The following IQSEC1 variants were observed in gnomAD, a reference collection of about 807,000 sequenced individuals.
IQSEC1 encodes IQ motif and Sec7 domain ArfGEF 1.
Under a neutral mutation model 91.0 loss-of-function variants are expected in IQSEC1, and 31 were observed. The ratio of observed to expected loss-of-function variants is 0.34; its 90% CI spans 0.26 to 0.46. The LOEUF (loss-of-function observed/expected upper bound fraction) is 0.46. IQSEC1 is among the 20% of genes least tolerant of loss of function. The pLI is 1.00. For missense variants in IQSEC1, 1,388 were observed against 1,575.6 expected (o/e 0.88, Z 2.02); for synonymous variants, 699 against 662.6 (o/e 1.05, Z -0.84).
chr3:13,273,363 T>C (rs1695620081), intron 1 of IQSEC1, among the ~76,000 whole-genome samples: 1 of 152,142 alleles, frequency 6.6e-6, no homozygotes, highest in Admixed American at 6.5e-5. Flanking sequence ...GGCCTGGGTG[T>C]GGGAAGCCAG....
intron 1 of IQSEC1, among the ~76,000 whole-genome samples, chr3:13,066,093 T>A (rs1024395530): frequency 6.6e-6 from 1 of 151,198 alleles, no homozygotes; most frequent in Admixed American, 6.6e-5. Context: ...AAGATGGGAG[T>A]CTGCGCTTAC....
intron 1 of IQSEC1, among the ~76,000 whole-genome samples, chr3:13,281,827 G>A (rs1695794877): frequency 6.6e-6 from 1 of 152,230 alleles, no homozygotes; most frequent in Non-Finnish European, 1.5e-5. Flanking sequence ...AGTGGGCCCC[G>A]GGTGATCCCG....
At chr3:13,094,477 C>T (rs777457685) in intron 2 of IQSEC1, among the ~76,000 whole-genome samples, 2 of 152,204 alleles carry the variant, frequency 1.3e-5, no homozygotes, top group Non-Finnish European at 2.9e-5. Flanking sequence ...TGGCGAGATG[C>T]AGAGTGATGT....
chr3:13,017,956 G>A (rs1259186291), intron 1 of IQSEC1, among the ~76,000 whole-genome samples: 1 of 152,180 alleles, frequency 6.6e-6, no homozygotes, highest in Non-Finnish European at 1.5e-5. Context: ...GTGTCCAGAA[G>A]GCGTGGGTGG....
At chr3:13,144,644 G>A (rs543275743) in intron 2 of IQSEC1, among the ~76,000 whole-genome samples, 9 of 152,294 alleles carry the variant, frequency 5.9e-5, no homozygotes, top group East Asian at 1.9e-4. Context: ...AGCCCACCGC[G>A]TCCCTTCCAT....
chr3:12,943,729 G>A (rs943482734), intron 1 of IQSEC1, among the ~76,000 whole-genome samples: 3 of 152,322 alleles, frequency 2.0e-5, no homozygotes, highest in Middle Eastern at 3.4e-3. Context: ...AGTGCCCAGT[G>A]CAGAATGTGA....
intron 12 of IQSEC1, among the ~76,000 whole-genome samples, chr3:12,907,414 T>G (rs1388264518): frequency 2.6e-5 from 4 of 152,152 alleles, no homozygotes; most frequent in Non-Finnish European, 4.4e-5. Flanking sequence ...ACCAGGCTCC[T>G]GGGGCAGACC....
chr3:12,932,651 A>C (rs1697782796), intron 3 of IQSEC1, among the ~76,000 whole-genome samples: 1 of 152,198 alleles, frequency 6.6e-6, no homozygotes, highest in South Asian at 2.1e-4. Context: ...CTTGCTGACC[A>C]CAACAGCTGC....
At chr3:12,973,616 T>C (rs1201351987) in intron 1 of IQSEC1, among the ~76,000 whole-genome samples, 2 of 152,164 alleles carry the variant, frequency 1.3e-5, no homozygotes, top group Admixed American at 1.3e-4. Flanking sequence ...GACCCAACCA[T>C]GACAGTAAGA....
intron 2 of IQSEC1, among the ~76,000 whole-genome samples, chr3:13,143,936 T>C (rs370070958): frequency 1.3e-5 from 2 of 152,196 alleles, no homozygotes; most frequent in South Asian, 2.1e-4. Context: ...AATTGGGTTT[T>C]CTGTCCCCGG....
In IQSEC1 at chr3:13,008,317, G is replaced by A. The variant is rs1702724238; in HGVS notation, c.23+64675C>T. Reference sequence around the variant, plus strand: ...TGACCCTCCCTCCAGCAAATGTTTAGAGAATGAGGTAAGCATCCTCCACCA... The same window carrying A: ...TGACCCTCCCTCCAGCAAATGTTTAAAGAATGAGGTAAGCATCCTCCACCA... On this transcript the variant is annotated intron_variant, in intron 1 of 13. Coordinates refer to ENST00000613206, the MANE Select transcript of IQSEC1 (RefSeq NM_001134382.3). The surrounding 1 kb of genome is among the most constrained non-coding windows in gnomAD (Gnocchi z 4.1). Among the ~76,000 whole-genome samples, 1 of 151,984 alleles carries A rather than the reference G, an allele frequency of 6.6e-6. No homozygotes were observed. The highest frequency in any genetic ancestry group is 6.5e-5 in the Admixed American group (1 of 15,278).
intron 1 of IQSEC1, among the ~76,000 whole-genome samples, chr3:12,966,554 C>T (rs1700583947): frequency 6.6e-6 from 1 of 152,042 alleles, no homozygotes; most frequent in Admixed American, 6.5e-5. Context: ...TCCCTTTCTC[C>T]CTTTCTCTCC....
In IQSEC1 at chr3:12,899,040, G is replaced by C. The variant is rs145697361; in HGVS notation, c.*1943C>G. ...CCAATGGGAGGACACAGGTGGGCGGGTTAAAGTCACATTTTTAAAAAGGCT... is the reference window on the plus strand; with the variant it reads ...CCAATGGGAGGACACAGGTGGGCGGCTTAAAGTCACATTTTTAAAAAGGCT... On this transcript the variant is annotated 3_prime_UTR_variant, in exon 14 of 14. Transcript: ENST00000613206. 24 of 296,058 alleles carry C rather than the reference G, an allele frequency of 8.1e-5. No homozygotes were observed. The highest frequency in any genetic ancestry group is 5.2e-4 in the African/African-American group (24 of 46,346). 18.3% of individuals were successfully genotyped at this position (296,058 alleles called of 1,614,324 possible). A position where few individuals can be genotyped will look rare whatever the true frequency, so the allele number is the denominator to read the frequency against.
At chr3:13,064,818 G>A (rs1705181366) in intron 1 of IQSEC1, among the ~76,000 whole-genome samples, 1 of 152,032 alleles carries the variant, frequency 6.6e-6, no homozygotes, top group Admixed American at 6.5e-5. Flanking sequence ...CTTGGTGTGG[G>A]GGCCTGTCCT....
At chr3:12,925,520 A>G (rs1005953985) in intron 3 of IQSEC1, among the ~76,000 whole-genome samples, 1 of 152,196 alleles carries the variant, frequency 6.6e-6, no homozygotes, top group Non-Finnish European at 1.5e-5. Context: ...AAGCACCGTA[A>G]GAGGTTTCTA....
chr3:13,222,223 G>T (rs1185110522), intron 1 of IQSEC1, among the ~76,000 whole-genome samples: 5 of 151,598 alleles, frequency 3.3e-5, no homozygotes, highest in Admixed American at 6.6e-5. Flanking sequence ...CACAGAAGTG[G>T]AATCATGCAG....
At chr3:13,158,456 T>G (rs357168) in intron 2 of IQSEC1, among the ~76,000 whole-genome samples, 128,270 of 152,254 alleles carry the variant, frequency 0.84, 54,184 homozygotes, top group East Asian at 0.89. Context: ...CTGGATTTGT[T>G]TGGACTAATT....
intron 1 of IQSEC1, among the ~76,000 whole-genome samples, chr3:13,228,784 T>A (rs916764102): frequency 6.6e-6 from 1 of 152,142 alleles, no homozygotes; most frequent in Non-Finnish European, 1.5e-5. Context: ...CCTTTGCACA[T>A]GCTGTTCCTG....
rs375516705 is a variant in IQSEC1 at position 13,085,557 on chromosome 3, G to A, written c.303-38035C>T. ...CCTGCCAGCAGAGCCTGCAGGAGACGGGGTGTCCAGCTGCAGCCAGGTGGG... is the reference window on the plus strand; with the variant it reads ...CCTGCCAGCAGAGCCTGCAGGAGACAGGGTGTCCAGCTGCAGCCAGGTGGG... On this transcript the variant is annotated intron_variant, in intron 2 of 15. Transcript: ENST00000648114. 7.9e-5 allele frequency among the ~76,000 whole-genome samples: 12 copies of A among 152,304 alleles called. No homozygotes were observed. In the South Asian group the frequency reaches 1.2e-3, roughly 16 times the overall value.
Sources: gnomAD v4.1 joint callset for allele counts (sites outside exome capture counted in the v4.1 genomes callset) on GRCh38, gnomAD v4.1.1 for gene constraint, Gnocchi (gnomAD v3.1) non-coding constraint, MANE v1.5 for transcripts, NCBI Gene and HGNC (gene_info 2026-07-23, HGNC 2026-07-21) for gene names.